The following WDR64 variants were observed in gnomAD, a reference collection of about 807,000 sequenced individuals.
WDR64 encodes WD repeat domain 64.
A neutral mutation model predicts 139.3 loss-of-function variants in WDR64; 112 were observed. The observed-to-expected ratio is 0.80, with a 90% CI of 0.69 to 0.94. WDR64 has a LOEUF of 0.94. Among genes scored for constraint, WDR64 ranks in the 40% least tolerant of loss-of-function variants. The pLI is 0.00. For missense variants in WDR64, 1,206 were observed against 1,293.1 expected, an observed-to-expected ratio of 0.93 and a Z score of 1.03; for synonymous variants, 444 against 437.7, an observed-to-expected ratio of 1.01 and a Z score of -0.18.
Position 241,796,265 on chromosome 1 carries a change from C to T in WDR64, c.3087C>T (p.Ser1029=), listed in dbSNP as rs1574103074. ...TAATTTATGGCTTCCAGATATCAAGCCCCACTAGTCTAAGATTTCTTCCAC... is the reference window on the plus strand; with the variant it reads ...TAATTTATGGCTTCCAGATATCAAGTCCCACTAGTCTAAGATTTCTTCCAC... ...FGSLPIYSIS[S]PTSLRFLPLI... is the part of the protein sequence containing the mutation. The change falls in exon 27 of 28, where the codon AGC becomes AGT. Residue 1029 remains serine, a synonymous_variant. Transcript: ENST00000437684. The T allele has an allele frequency of 6.2e-7, 1 of 1,611,686 alleles. No homozygotes were observed. The highest frequency in any genetic ancestry group is 8.5e-7 in the Non-Finnish European group (1 of 1,178,484).
At chr1:241,690,050 A>C (rs1441320763) in intron 8 of WDR64, among the ~76,000 whole-genome samples, 1 of 152,190 alleles carries the variant, frequency 6.6e-6, no homozygotes, top group Non-Finnish European at 1.5e-5. Context: ...AATGACTAAG[A>C]ATGTCCACAA....
chr1:241,698,248 A>G (rs1193033450), intron 8 of WDR64, among the ~76,000 whole-genome samples: 1 of 151,994 alleles, frequency 6.6e-6, no homozygotes, highest in African/African-American at 2.4e-5. Flanking sequence ...CTAGCTGGAA[A>G]CCTGTCACCT....
At chr1:241,770,377 T>A in intron 17 of WDR64, 1 of 388,064 alleles carries the variant, frequency 2.6e-6, no homozygotes, top group Non-Finnish European at 4.6e-6. Flanking sequence ...TAGGCAAGAC[T>A]TTTATTTTCT....
rs1302290879 is a variant in WDR64, at chr1:241,703,925, C to T, written c.975-7877C>T. Among the ~76,000 whole-genome samples, 2 of 152,164 alleles carry T rather than the reference C, an allele frequency of 1.3e-5. No homozygotes were observed. Among genetic ancestry groups the T allele is most frequent in the African/African-American group, 4.8e-5 (2 of 41,436 alleles). On this transcript the variant is annotated intron_variant, in intron 8 of 27. Transcript: ENST00000437684. This position sits in a 1 kb window ranked among gnomAD's most constrained non-coding sequence, Gnocchi z 5.9. ...AATCATCAGATCTCATGAGAACTCA[C>T]TCACTAACACAAGAACAACACGGGA...
chr1:241,771,271 C>A (rs1011229600), intron 18 of WDR64, among the ~76,000 whole-genome samples: 3 of 152,184 alleles, frequency 2.0e-5, no homozygotes, highest in Non-Finnish European at 4.4e-5. Flanking sequence ...CCAAGTCCTT[C>A]TTTTATTATC....
intron 3 of WDR64, among the ~76,000 whole-genome samples, chr1:241,674,290 G>A (rs1394883594): frequency 3.4e-5 from 4 of 116,314 alleles, no homozygotes; most frequent in African/African-American, 6.6e-5. Flanking sequence ...ACAGGGTCTC[G>A]CTCTGTCACC....
At position 241,671,181 on chromosome 1, in the gene WDR64, C is replaced by G. The variant is rs936698692; in HGVS notation, c.379+5C>G. On this transcript the variant is annotated splice_donor_5th_base_variant and intron_variant, in intron 3 of 27. Transcript: ENST00000437684. ...AAAGGCGAATTTTAATTTCAGGTGA[C>G]ATTTTAATTTTCTCTTCCAAATTAG... 4 of 1,528,116 alleles carry G rather than the reference C, an allele frequency of 2.6e-6. No homozygotes were observed. The Admixed American group carries it at 8.0e-5, about 30-fold the overall frequency. 94.7% of individuals were successfully genotyped at this position (1,528,116 alleles called of 1,614,324 possible).
chr1:241,686,690 A>G (rs1667016531), intron 7 of WDR64, among the ~76,000 whole-genome samples: 1 of 152,116 alleles, frequency 6.6e-6, no homozygotes, highest in South Asian at 2.1e-4. Flanking sequence ...GATGGCCAAC[A>G]CTCTGACAAG....
At chr1:241,796,864 G>A (rs1659383280) in intron 27 of WDR64, among the ~76,000 whole-genome samples, 1 of 152,154 alleles carries the variant, frequency 6.6e-6, no homozygotes, top group African/African-American at 2.4e-5. Context: ...TCATGAATTT[G>A]CTGGACAGAG....
chr1:241,692,863 A>G (rs928284868), intron 8 of WDR64, among the ~76,000 whole-genome samples: 2 of 152,216 alleles, frequency 1.3e-5, no homozygotes, highest in African/African-American at 4.8e-5. Context: ...AAAATAAGAT[A>G]CCAGTACATA....
chr1:241,756,782 T>C (rs140537409), intron 14 of WDR64, among the ~76,000 whole-genome samples: 1 of 152,276 alleles, frequency 6.6e-6, no homozygotes, highest in African/African-American at 2.4e-5. Context: ...GTGCCACCTG[T>C]CTGTAAAGGA....
intron 13 of WDR64, 26 bp downstream of exon 13, chr1:241,744,542 G>A (rs563226338): frequency 1.5e-5 from 24 of 1,611,460 alleles, no homozygotes; most frequent in African/African-American, 4.0e-5. Context: ...AGAATGTGGC[G>A]TCCCTGCTTT....
chr1:241,746,289 A>G (rs1419976927), intron 13 of WDR64, among the ~76,000 whole-genome samples: 1 of 152,066 alleles, frequency 6.6e-6, no homozygotes, highest in Non-Finnish European at 1.5e-5. Context: ...AGAGGAAAAG[A>G]CCTGTGGTTC....
At chr1:241,779,050 G>C (rs913747414) in intron 21 of WDR64, among the ~76,000 whole-genome samples, 1 of 151,812 alleles carries the variant, frequency 6.6e-6, no homozygotes, top group African/African-American at 2.4e-5. Context: ...TGAAAGGCAG[G>C]CCTATTAGTG....
intron 8 of WDR64, among the ~76,000 whole-genome samples, chr1:241,700,240 A>G (rs1425876115): frequency 1.3e-5 from 2 of 149,446 alleles, no homozygotes; most frequent in Non-Finnish European, 3.0e-5. Flanking sequence ...CCTCTCCTTT[A>G]TTCTTCTCAT....
At chr1:241,798,818 A>C (rs1021578407) in intron 27 of WDR64, among the ~76,000 whole-genome samples, 5 of 152,174 alleles carry the variant, frequency 3.3e-5, no homozygotes, top group African/African-American at 1.2e-4. Flanking sequence ...CTGAATATGA[A>C]CTTCTTTAAA....
intron 3 of WDR64, among the ~76,000 whole-genome samples, chr1:241,674,256 C>CCTTTTTTTTTTT (rs1666366865): frequency 8.2e-6 from 1 of 121,350 alleles, no homozygotes; most frequent in Admixed American, 9.1e-5. Context: ...CTTTTTTTTT[C>CCTTTTTTTTTTT]TTTTCTTTTT....
chr1:241,705,916 C>T (rs1667936180), intron 8 of WDR64, among the ~76,000 whole-genome samples: 1 of 152,192 alleles, frequency 6.6e-6, no homozygotes, highest in South Asian at 2.1e-4. Context: ...AGGCTGCAGG[C>T]TGGGCCACAG....
Position 241,739,539 on chromosome 1 carries a change from T to C in WDR64, c.1321+1050T>C, listed in dbSNP as rs199584145. Among the ~76,000 whole-genome samples the C allele has an allele frequency of 3.9e-5, 6 of 152,226 alleles. No homozygotes were observed. The East Asian group carries it at 1.2e-3, about 29-fold the overall frequency. On this transcript the variant is annotated intron_variant, in intron 11 of 27. Coordinates refer to ENST00000437684, the MANE Select transcript of WDR64 (RefSeq NM_001367482.1). ...ACTTAGTTTTAGTTGTAAACACCTA[T>C]TCTCTGTTTTACCTCCTCTAAAAGG...
Sources: gnomAD v4.1 joint callset for allele counts (sites outside exome capture counted in the v4.1 genomes callset) on GRCh38, gnomAD v4.1.1 for gene constraint, Gnocchi (gnomAD v3.1) non-coding constraint, MANE v1.5 for transcripts, NCBI Gene and HGNC (gene_info 2026-07-23, HGNC 2026-07-21) for gene names.